Variants in PEX5L observed in about 807,000 individuals in gnomAD.
The protein encoded by PEX5L is peroxisomal biogenesis factor 5 like, also known as PEX5-related protein.
Under a neutral mutation model 84.0 loss-of-function variants are expected in PEX5L, and 30 were observed. The ratio of observed to expected loss-of-function variants is 0.36; its 90% CI spans 0.27 to 0.48. The LOEUF is 0.48. Ranked by LOEUF, PEX5L falls within the 20% of genes least tolerant of loss-of-function variation. PEX5L has a pLI of 0.99. For synonymous variants in PEX5L, 270 were observed against 283.1 expected, an observed-to-expected ratio of 0.95 and a Z score of 0.46; for missense variants, 533 against 754.6, an observed-to-expected ratio of 0.71 and a Z score of 3.44.
chr3:179,852,987 T>A (rs939957004), intron 8 of PEX5L, among the ~76,000 whole-genome samples: 3 of 152,226 alleles, frequency 2.0e-5, no homozygotes, highest in African/African-American at 7.2e-5. Flanking sequence ...TGTTAATTTG[T>A]TCATTTATTT....
chr3:179,866,598 T>C (rs1195868372), intron 7 of PEX5L, among the ~76,000 whole-genome samples: 3 of 152,188 alleles, frequency 2.0e-5, no homozygotes, highest in Non-Finnish European at 4.4e-5. Context: ...CAGGTGTGAC[T>C]TTTAGAGAAC....
chr3:179,809,884 G>T (rs200845064), intron 11 of PEX5L, among the ~76,000 whole-genome samples: 1 of 151,354 alleles, frequency 6.6e-6, no homozygotes, highest in East Asian at 1.9e-4. Flanking sequence ...TGATTGCTAG[G>T]TTTGGTAATT....
intron 1 of PEX5L, among the ~76,000 whole-genome samples, chr3:179,997,310 T>A (rs946361260): frequency 6.6e-6 from 1 of 152,172 alleles, no homozygotes; most frequent in South Asian, 2.1e-4. Context: ...TAGGGGCTTA[T>A]GGAGGTCAGG....
rs140167427 is a variant in PEX5L, at chr3:179,879,918, G to A, written c.505+11C>T. The A allele has an allele frequency of 5.1e-4, 788 of 1,539,884 alleles. 4 individuals are homozygous for A. The East Asian group carries it at 0.011, about 21-fold the overall frequency. ...AGGTTGAGCATCCATAGCCGCAAGC[G>A]ATTGCCTTACCTAGATCTAAGGATG... On this transcript the variant is annotated intron_variant, in intron 5 of 14. Transcript: ENST00000467460.
At chr3:179,968,783 C>G (rs991646146) in intron 2 of PEX5L, among the ~76,000 whole-genome samples, 1 of 151,756 alleles carries the variant, frequency 6.6e-6, no homozygotes, top group Non-Finnish European at 1.5e-5. Flanking sequence ...CATCAACACT[C>G]ATTTAAGTGT....
intron 8 of PEX5L, among the ~76,000 whole-genome samples, chr3:179,833,192 G>C (rs975540946): frequency 6.6e-6 from 1 of 152,204 alleles, no homozygotes; most frequent in African/African-American, 2.4e-5. Context: ...GGAGAGGAAA[G>C]GGTGAATCTA....
At chr3:179,833,691 G>A (rs1046322516) in intron 8 of PEX5L, among the ~76,000 whole-genome samples, 1 of 152,102 alleles carries the variant, frequency 6.6e-6, no homozygotes, top group East Asian at 1.9e-4. Context: ...GACTCTTTCA[G>A]TGTTGGCTGT....
At chr3:179,973,519 C>T (rs1049842858) in intron 1 of PEX5L, 9 of 958,052 alleles carry the variant, frequency 9.4e-6, no homozygotes, top group Non-Finnish European at 1.1e-5. Context: ...AAAAAATCTA[C>T]CTATTTTAAA....
intron 2 of PEX5L, 156 bp from the exon 3 acceptor site, chr3:179,898,402 C>T (rs1350322796): frequency 6.4e-6 from 3 of 467,196 alleles, no homozygotes; most frequent in Non-Finnish European, 1.1e-5. Flanking sequence ...AGAAAACACA[C>T]AAAATCTGAA....
At chr3:179,949,536 A>G (rs1778516139) in intron 2 of PEX5L, among the ~76,000 whole-genome samples, 1 of 152,228 alleles carries the variant, frequency 6.6e-6, no homozygotes, top group African/African-American at 2.4e-5. Flanking sequence ...ATTACTTTAT[A>G]TAAAACATCT....
Position 179,933,444 on chromosome 3 carries a change from T to TC in PEX5L, c.94-35199dup, listed in dbSNP as rs112659701. ...GAGATAATGGAGTCATATACAATTC[T>TC]CTTTTTTTTTTGAGAAAACTAATTT... is the stretch of plus-strand genomic sequence containing the variant. On this transcript the variant is annotated intron_variant, in intron 2 of 14. Coordinates refer to ENST00000467460, the MANE Select transcript of PEX5L (RefSeq NM_016559.3). 4.8e-4 allele frequency among the ~76,000 whole-genome samples: 29 copies of TC among 60,322 alleles called. 1 individual carries two copies. The highest frequency in any genetic ancestry group is 1.8e-3 in the African/African-American group (24 of 13,614). 39.6% of individuals were successfully genotyped at this position (60,322 alleles called of 152,430 possible).
intron 2 of PEX5L, among the ~76,000 whole-genome samples, chr3:179,953,761 C>T (rs911667089): frequency 4.6e-5 from 7 of 152,022 alleles, no homozygotes; most frequent in Admixed American, 4.6e-4. Flanking sequence ...TAAGCTAACC[C>T]ACCAAAAGCA....
intron 1 of PEX5L, among the ~76,000 whole-genome samples, chr3:180,008,292 C>G (rs1382614433): frequency 6.6e-6 from 1 of 152,212 alleles, no homozygotes; most frequent in Admixed American, 6.5e-5. Context: ...CAGTTCCCAA[C>G]AAGTGCCTCA....
At chr3:179,887,358 C>G (rs925570043) in intron 4 of PEX5L, among the ~76,000 whole-genome samples, 1 of 152,190 alleles carries the variant, frequency 6.6e-6, no homozygotes, top group East Asian at 1.9e-4. Context: ...GAAAACCTTA[C>G]TCTGAAAGAG....
At chr3:179,815,202 G>A (rs1414586094) in intron 10 of PEX5L, among the ~76,000 whole-genome samples, 4 of 152,214 alleles carry the variant, frequency 2.6e-5, no homozygotes, top group African/African-American at 7.2e-5. Flanking sequence ...TAAATGTGGC[G>A]TGAGTAAACC....
intron 8 of PEX5L, among the ~76,000 whole-genome samples, chr3:179,855,895 A>G (rs570662642): frequency 6.6e-6 from 1 of 152,346 alleles, no homozygotes; most frequent in Admixed American, 6.5e-5. Flanking sequence ...ATACATTTCT[A>G]CTACTTATAA....
At chr3:179,862,188 T>C (rs1746443286) in intron 7 of PEX5L, among the ~76,000 whole-genome samples, 1 of 152,154 alleles carries the variant, frequency 6.6e-6, no homozygotes, top group Non-Finnish European at 1.5e-5. Flanking sequence ...CTCTCAAAAC[T>C]CCGTCTGCCT....
chr3:179,848,332 C>T (rs1383755218), intron 8 of PEX5L, among the ~76,000 whole-genome samples: 1 of 152,066 alleles, frequency 6.6e-6, no homozygotes, highest in Non-Finnish European at 1.5e-5. Flanking sequence ...GGGCAGATCA[C>T]TTGAGCTCAG....
Position 180,024,391 on chromosome 3 carries a change from A to C in PEX5L, c.21+12188T>G, listed in dbSNP as rs1222376816. Among the ~76,000 whole-genome samples the C allele has an allele frequency of 5.0e-3, 574 of 113,808 alleles. 15 individuals carry two copies. The highest frequency in any genetic ancestry group is 0.017 in the African/African-American group (432 of 25,284). The allele number at this position is 113,808 out of a possible 152,430, so 74.7% of individuals were successfully genotyped here. A position where few individuals can be genotyped will look rare whatever the true frequency, so the allele number is the denominator to read the frequency against. ...ATATATATACACACACAAAAAAAAA[A>C]AAAATTAGCCGTGCGTGGTGGCAGG... On this transcript the variant is annotated intron_variant, in intron 1 of 14. Transcript: ENST00000467460.
Sources: allele counts gnomAD v4.1 joint callset (sites outside exome capture counted in the v4.1 genomes callset), GRCh38; gene constraint gnomAD v4.1.1; transcripts MANE v1.5; gene names NCBI Gene and HGNC (gene_info 2026-07-23, HGNC 2026-07-21).